The following ZRANB3 variants were observed in gnomAD, a reference collection of about 807,000 sequenced individuals.
The protein encoded by ZRANB3 is DNA annealing helicase and endonuclease ZRANB3.
A neutral mutation model predicts 133.8 loss-of-function variants in ZRANB3; 125 were observed. That is an observed-to-expected ratio of 0.93 (90% CI 0.81 to 1.08). The LOEUF (loss-of-function observed/expected upper bound fraction) is 1.08, where lower values mean the gene tolerates loss of function less well. Ranked by LOEUF, ZRANB3 falls within the 50% of genes least tolerant of loss-of-function variation. ZRANB3 has a pLI of 0.00. For missense variants in ZRANB3, 1,229 were observed against 1,275.5 expected, an observed-to-expected ratio of 0.96 and a Z score of 0.56; for synonymous variants, 387 against 432.7, an observed-to-expected ratio of 0.89 and a Z score of 1.31.
chr2:135,405,791 C>T (rs1448372413), intron 2 of ZRANB3, among the ~76,000 whole-genome samples: 1 of 152,096 alleles, frequency 6.6e-6, no homozygotes, highest in Admixed American at 6.6e-5. Flanking sequence ...AGACACAACA[C>T]ACCAGAATCT....
chr2:135,237,307 A>G (rs1488638254), intron 12 of ZRANB3, among the ~76,000 whole-genome samples: 51 of 150,404 alleles, frequency 3.4e-4, no homozygotes, highest in Admixed American at 1.2e-3. Flanking sequence ...GCTGGAGAGG[A>G]TGTGGAGAAA....
At chr2:135,366,302 G>C (rs911626090) in intron 3 of ZRANB3, among the ~76,000 whole-genome samples, 5 of 151,214 alleles carry the variant, frequency 3.3e-5, no homozygotes, top group African/African-American at 1.2e-4. Flanking sequence ...ACGCCTTTGT[G>C]AAAGTTTTTT....
chr2:135,475,148 A>G (rs546238052), intron 2 of ZRANB3, among the ~76,000 whole-genome samples: 1 of 152,228 alleles, frequency 6.6e-6, no homozygotes, highest in African/African-American at 2.4e-5. Context: ...CTTACCCAGT[A>G]GCCAGTTTTA....
rs552358006 is a variant in ZRANB3, at chr2:135,327,196, A to C, written c.678-11666T>G. Among the ~76,000 whole-genome samples, 4 of 152,312 alleles carry C rather than the reference A, an allele frequency of 2.6e-5. No homozygotes were observed. The East Asian group carries it at 7.7e-4, about 29-fold the overall frequency. ...TAAACTAAGAAATAAAAGTCATGAA[A>C]TCCAGGAATGTGAGGATCCAACAGA... On this transcript the variant is annotated intron_variant, in intron 6 of 20. Transcript: ENST00000264159.
chr2:135,258,875 T>A (rs1679794788), intron 12 of ZRANB3, among the ~76,000 whole-genome samples: 1 of 152,240 alleles, frequency 6.6e-6, no homozygotes, highest in Non-Finnish European at 1.5e-5. Context: ...TTTTTGCTGT[T>A]ACCATGTATT....
At chr2:135,292,859 C>A (rs1362464509) in intron 8 of ZRANB3, among the ~76,000 whole-genome samples, 1 of 151,960 alleles carries the variant, frequency 6.6e-6, no homozygotes, top group Admixed American at 6.6e-5. Context: ...GGAATCCTTT[C>A]CCCATTGCTT....
intron 11 of ZRANB3, among the ~76,000 whole-genome samples, chr2:135,267,042 C>G (rs1680281905): frequency 6.6e-6 from 1 of 152,188 alleles, no homozygotes; most frequent in African/African-American, 2.4e-5. Context: ...CTCAGAATCT[C>G]CTGGGGCTGT....
intron 17 of ZRANB3, among the ~76,000 whole-genome samples, chr2:135,212,401 C>A (rs1347987522): frequency 6.6e-6 from 1 of 152,114 alleles, no homozygotes; most frequent in Non-Finnish European, 1.5e-5. Flanking sequence ...GGATATTAAG[C>A]CTTGCCTGAG....
chr2:135,271,988 G>A, intron 9 of ZRANB3, 101 bp from the exon 10 acceptor site: 1 of 1,283,702 alleles, frequency 7.8e-7, no homozygotes. Context: ...ATAACAAAAT[G>A]GAACTTGGTT....
intron 9 of ZRANB3, among the ~76,000 whole-genome samples, chr2:135,275,380 A>G (rs1486284661): frequency 1.4e-5 from 2 of 143,848 alleles, no homozygotes; most frequent in Non-Finnish European, 3.1e-5. Context: ...GGCGGCTGGC[A>G]TGGCAGCATA....
At chr2:135,465,468 AAC>A (rs1690945728) in intron 2 of ZRANB3, among the ~76,000 whole-genome samples, 1 of 152,260 alleles carries the variant, frequency 6.6e-6, no homozygotes, top group Non-Finnish European at 1.5e-5. Flanking sequence ...TTCCTATGAT[AAC>A]GAAATGAAAT....
intron 1 of ZRANB3, among the ~76,000 whole-genome samples, chr2:135,519,499 T>C (rs141321650): frequency 0.01 from 1,595 of 152,260 alleles, 26 homozygotes; most frequent in Middle Eastern, 0.054. Flanking sequence ...TCCAAGATCA[T>C]GTAGCTAACA....
chr2:135,207,927 C>G, intron 18 of ZRANB3, 91 bp from the exon 19 acceptor site: 1 of 1,240,700 alleles, frequency 8.1e-7, no homozygotes, highest in Non-Finnish European at 1.1e-6. Flanking sequence ...AGTTTCAATA[C>G]GGATAAATAG....
At chr2:135,249,513 C>T (rs961243088) in intron 12 of ZRANB3, among the ~76,000 whole-genome samples, 9 of 152,314 alleles carry the variant, frequency 5.9e-5, no homozygotes, top group African/African-American at 1.9e-4. Context: ...CCAAATACCA[C>T]GTTCTCACTT....
chr2:135,385,760 T>C (rs1250243958), intron 3 of ZRANB3, among the ~76,000 whole-genome samples: 1 of 152,184 alleles, frequency 6.6e-6, no homozygotes, highest in Non-Finnish European at 1.5e-5. Context: ...GTTTAATAAA[T>C]GGTGATCAGA....
Position 135,530,208 on chromosome 2 carries a change from C to CAA in ZRANB3, c.-8+917_-8+918dup, listed in dbSNP as rs371430339. Among the ~76,000 whole-genome samples, 56 of 102,542 alleles carry CAA rather than the reference C, an allele frequency of 5.5e-4. No homozygotes were observed. The South Asian group carries it at 6.9e-3, about 13-fold the overall frequency. 67.3% of individuals were successfully genotyped at this position (102,542 alleles called of 152,430 possible). On this transcript the variant is annotated intron_variant, in intron 1 of 20. Transcript: ENST00000264159. ...CTGGGGACAGAGCAAGACTCCGTCT[C>CAA]AAAAAAAAAAAAAAAAAGTGTGTCT...
At chr2:135,243,426 C>T (rs1457279662) in intron 12 of ZRANB3, among the ~76,000 whole-genome samples, 1 of 152,124 alleles carries the variant, frequency 6.6e-6, no homozygotes, top group African/African-American at 2.4e-5. Flanking sequence ...GGCAGGGAAC[C>T]CGGCAGGCAG....
chr2:135,426,764 G>A (rs1199604261), intron 2 of ZRANB3, among the ~76,000 whole-genome samples: 7 of 141,866 alleles, frequency 4.9e-5, no homozygotes, highest in East Asian at 2.1e-4. Context: ...CCCAGGAGGC[G>A]GAGCTTGCAG....
intron 3 of ZRANB3, among the ~76,000 whole-genome samples, chr2:135,362,626 A>C (rs1685744698): frequency 6.6e-6 from 1 of 152,218 alleles, no homozygotes; most frequent in African/African-American, 2.4e-5. Flanking sequence ...GAATGGTCTG[A>C]GAGGCTGGAT....
Sources: gnomAD v4.1 joint callset for allele counts (sites outside exome capture counted in the v4.1 genomes callset) on GRCh38, gnomAD v4.1.1 for gene constraint, MANE v1.5 for transcripts, NCBI Gene and HGNC (gene_info 2026-07-23, HGNC 2026-07-21) for gene names.